The following SERAC1 variants were observed in gnomAD, a reference collection of about 807,000 sequenced individuals.
SERAC1 encodes the protein protein SERAC1.
Under a neutral mutation model 85.7 loss-of-function variants are expected in SERAC1, and 36 were observed. The ratio of observed to expected loss-of-function variants is 0.42; its 90% confidence interval spans 0.32 to 0.55. The LOEUF (loss-of-function observed/expected upper bound fraction) is 0.55, where lower values mean the gene tolerates loss of function less well. SERAC1 is among the 20% of genes least tolerant of loss of function. SERAC1 has a pLI of 0.11. For synonymous variants in SERAC1, 242 were observed against 265.3 expected (o/e 0.91, Z 0.85); for missense variants, 629 against 796.2 (o/e 0.79, Z 2.53).
chr6:158,157,960 A>G (rs1785394882), intron 2 of SERAC1, among the ~76,000 whole-genome samples: 1 of 152,234 alleles, frequency 6.6e-6, no homozygotes, highest in Non-Finnish European at 1.5e-5. Flanking sequence ...GTGTATTCCC[A>G]GAACCTAATA....
At chr6:158,167,172 A>G (rs1160036299) in intron 1 of SERAC1, among the ~76,000 whole-genome samples, 1 of 150,282 alleles carries the variant, frequency 6.7e-6, no homozygotes, top group African/African-American at 2.4e-5. Flanking sequence ...GAAAGAGGGA[A>G]CTAAATGGAA....
At chr6:158,158,401 G>A (rs1785408645) in intron 1 of SERAC1, 37 bp from the exon 2 acceptor site, 1 of 1,493,924 alleles carries the variant, frequency 6.7e-7, no homozygotes, top group South Asian at 1.1e-5. Context: ...ATTTAATTTA[G>A]CATCTAAATC....
At chr6:158,135,368 C>T (rs1166085296) in intron 8 of SERAC1, among the ~76,000 whole-genome samples, 1 of 152,042 alleles carries the variant, frequency 6.6e-6, no homozygotes, top group Non-Finnish European at 1.5e-5. Context: ...CCCGTCTCTA[C>T]TAAAAATACA....
chr6:158,160,215 C>CTTTTTTTTTTT (rs1298913428), intron 1 of SERAC1, among the ~76,000 whole-genome samples: 1 of 146,074 alleles, frequency 6.8e-6, no homozygotes. Flanking sequence ...TTTTGTTGTC[C>CTTTTTTTTTTT]TTTTTTTTTT....
intron 2 of SERAC1, among the ~76,000 whole-genome samples, chr6:158,157,857 G>C (rs1386859456): frequency 6.6e-6 from 1 of 152,188 alleles, no homozygotes; most frequent in African/African-American, 2.4e-5. Flanking sequence ...GTCAGAGAAA[G>C]CTTCCTAAAC....
In SERAC1 at chr6:158,150,364, TTACTAA is replaced by T. The variant is rs1415208173; in HGVS notation, c.265+83_265+88del. 4.2e-5 allele frequency: 43 copies of T among 1,026,444 alleles called. No individual in the cohort carries two copies. The South Asian group carries it at 5.5e-4, about 13-fold the overall frequency. 63.6% of individuals were successfully genotyped at this position (1,026,444 alleles called of 1,614,324 possible). A position where few individuals can be genotyped will look rare whatever the true frequency, so the allele number is the denominator to read the frequency against. ...ATTCTTAGAATTAGCTCAATCTGTATTACTAATACTGTGTTTTAAATAGACGCATTT... is the reference window on the plus strand; with the variant it reads ...ATTCTTAGAATTAGCTCAATCTGTATTACTGTGTTTTAAATAGACGCATTT... On this transcript the variant is annotated intron_variant, in intron 4 of 16. Coordinates refer to ENST00000647468, the MANE Select transcript of SERAC1 (RefSeq NM_032861.4).
At position 158,111,419 on chromosome 6, in the gene SERAC1, G is replaced by C. The variant is rs767893233; in HGVS notation, c.1912C>G (p.Gln638Glu). 6.2e-7 allele frequency: 1 copy of C among 1,610,118 alleles called. No homozygotes were observed. Among genetic ancestry groups the C allele is most frequent in the South Asian group, 1.1e-5 (1 of 90,186 alleles). The change falls in exon 17 of 17, where the codon CAG (glutamine) becomes GAG (glutamate). Residue 638 changes from glutamine to glutamate, a missense_variant. Coordinates refer to ENST00000647468, the MANE Select transcript of SERAC1 (RefSeq NM_032861.4). Reference protein sequence around the residue: ...KPKKKDAFLYQRTLQFIREAL... With the variant: ...KPKKKDAFLYERTLQFIREAL... ...TCACGAATGAATTGTAAAGTACGCT[G>C]GTACAAAAAAGCATCCTTTTTCTTT...
intron 2 of SERAC1, among the ~76,000 whole-genome samples, 184 bp from the exon 3 acceptor site, chr6:158,155,535 A>G (rs1014011952): frequency 5.3e-5 from 8 of 152,198 alleles, no homozygotes; most frequent in Non-Finnish European, 8.8e-5. Context: ...ACACAAATCA[A>G]CAAGTACTAA....
At position 158,124,208 on chromosome 6, in the gene SERAC1, A is replaced by C. The variant is rs372321993; in HGVS notation, c.1016-3633T>G. 8.5e-5 allele frequency among the ~76,000 whole-genome samples: 13 copies of C among 152,240 alleles called. No individual in the cohort carries two copies. In the East Asian group the frequency reaches 2.5e-3, roughly 29 times the overall value. ...GTCTTTGTCCTGCTTTGAATCCCTT[A>C]GTCTCCACCTCATCAATGAACCTGT... On this transcript the variant is annotated intron_variant, in intron 10 of 16. Coordinates refer to ENST00000647468, the MANE Select transcript of SERAC1 (RefSeq NM_032861.4).
At chr6:158,164,203 C>T (rs577243224) in intron 1 of SERAC1, among the ~76,000 whole-genome samples, 1 of 151,644 alleles carries the variant, frequency 6.6e-6, no homozygotes, top group South Asian at 2.1e-4. Context: ...GGGCCAGGCA[C>T]GGTGGCTCAC....
At position 158,117,226 on chromosome 6, in the gene SERAC1, T is replaced by C. The variant is rs1198070876; in HGVS notation, c.1403+501A>G. ...GACAAAGCTTCCCGGAAAAGTTAACTGACTGGTCTAAGACTGCACAGCAAA... is the reference window on the plus strand; with the variant it reads ...GACAAAGCTTCCCGGAAAAGTTAACCGACTGGTCTAAGACTGCACAGCAAA... On this transcript the variant is annotated intron_variant, in intron 13 of 16. Coordinates refer to ENST00000647468, the MANE Select transcript of SERAC1 (RefSeq NM_032861.4). The surrounding 1 kb of genome is among the most constrained non-coding windows in gnomAD (Gnocchi z 4.3). 1 of 317,338 alleles carries C rather than the reference T, an allele frequency of 3.2e-6. No homozygotes were observed. The highest frequency in any genetic ancestry group is 5.8e-6 in the Non-Finnish European group (1 of 172,670). 19.7% of individuals were successfully genotyped at this position (317,338 alleles called of 1,614,324 possible). A position where few individuals can be genotyped will look rare whatever the true frequency, so the allele number is the denominator to read the frequency against.
chr6:158,116,125 GC>G, intron 14 of SERAC1, 59 bp downstream of exon 14: 1 of 1,362,428 alleles, frequency 7.3e-7, no homozygotes, highest in South Asian at 1.2e-5. Context: ...CTTTAGGTTG[GC>G]CACAGTGGCT....
At chr6:158,133,940 A>G (rs1010311373) in intron 8 of SERAC1, among the ~76,000 whole-genome samples, 2 of 152,250 alleles carry the variant, frequency 1.3e-5, no homozygotes, top group African/African-American at 4.8e-5. Context: ...AACCACAGTA[A>G]CACTAGCAGT....
In SERAC1 at chr6:158,128,898, G is replaced by A. The variant is rs189311143; in HGVS notation, c.853-628C>T. 2.0e-5 allele frequency among the ~76,000 whole-genome samples: 3 copies of A among 152,284 alleles called. No homozygotes were observed. The East Asian group carries it at 5.8e-4, about 29-fold the overall frequency. On this transcript the variant is annotated intron_variant, in intron 9 of 16. Transcript: ENST00000647468. The stretch of plus-strand genomic sequence containing the variant: ...AGAAAACATGCATATTGAGTTAAGG[G>A]AAGAGAACTGACCAACAAGTCAGTC...
At chr6:158,142,269 T>C (rs79716341) in intron 8 of SERAC1, among the ~76,000 whole-genome samples, 5,309 of 151,910 alleles carry the variant, frequency 0.035, 293 homozygotes, top group African/African-American at 0.12. Context: ...CAAGCAATCC[T>C]CCCAGCTCAG....
At chr6:158,115,424 C>T (rs909669001) in intron 14 of SERAC1, among the ~76,000 whole-genome samples, 1 of 152,192 alleles carries the variant, frequency 6.6e-6, no homozygotes, top group Admixed American at 6.5e-5. Context: ...CCTCTGGAGG[C>T]ACCTTTTCTT....
chr6:158,164,811 T>C (rs913057117), intron 1 of SERAC1, among the ~76,000 whole-genome samples: 3 of 152,146 alleles, frequency 2.0e-5, no homozygotes, highest in African/African-American at 7.2e-5. Flanking sequence ...TAGTTAACTA[T>C]GGGCACTTAC....
At chr6:158,113,346 A>C (rs773673704) in intron 16 of SERAC1, 103 bp downstream of exon 16, 2 of 891,848 alleles carry the variant, frequency 2.2e-6, no homozygotes, top group Middle Eastern at 2.7e-4. Context: ...TTCATAAACT[A>C]TCTCTTAAAA....
intron 8 of SERAC1, 123 bp downstream of exon 8, chr6:158,142,933 G>C: frequency 8.2e-6 from 6 of 729,946 alleles, no homozygotes; most frequent in Non-Finnish European, 1.4e-5. Context: ...CCAGCCCAGG[G>C]CATGACACAC....
Sources: allele counts gnomAD v4.1 joint callset (sites outside exome capture counted in the v4.1 genomes callset), GRCh38; gene constraint gnomAD v4.1.1; non-coding constraint Gnocchi (gnomAD v3.1); transcripts MANE v1.5; gene names NCBI Gene and HGNC (gene_info 2026-07-23, HGNC 2026-07-21).